The following GLT8D2 variants were observed in gnomAD, a reference collection of about 807,000 sequenced individuals.
The protein encoded by GLT8D2 is glycosyltransferase 8 domain-containing protein 2.
Under a neutral mutation model 44.5 loss-of-function variants are expected in GLT8D2, and 45 were observed. That is an observed-to-expected ratio of 1.01 (90% CI 0.80 to 1.30). The LOEUF (loss-of-function observed/expected upper bound fraction) is 1.30. Ranked by LOEUF, GLT8D2 falls within the 50% of genes most tolerant of loss-of-function variation. GLT8D2 has a pLI of 0.00. For missense variants in GLT8D2, 400 were observed against 430.4 expected (o/e 0.93, Z 0.62); for synonymous variants, 156 against 157.2 (o/e 0.99, Z 0.06).
At position 104,060,363 on chromosome 12, in the gene GLT8D2, G is replaced by A. The variant is rs78721743; in HGVS notation, c.-423+3586C>T. ...ATTCTTGAAGTTTCAGAGATTGAAG[G>A]TACTTTACTGTGAAATGGGGACCTA... On this transcript the variant is annotated intron_variant, in intron 1 of 10. Coordinates refer to the GLT8D2 transcript ENST00000548660. Among the ~76,000 whole-genome samples the A allele has an allele frequency of 1.6e-3, 246 of 152,202 alleles. 4 individuals are homozygous for A. In the East Asian group the frequency reaches 0.044, roughly 27 times the overall value.
intron 4 of GLT8D2, among the ~76,000 whole-genome samples, chr12:104,013,107 G>A (rs58131303): frequency 0.038 from 5,755 of 152,256 alleles, 190 homozygotes; most frequent in South Asian, 0.096. Context: ...CATTGTAAGC[G>A]TACAGTACAA....
chr12:104,015,047 T>C lies in GLT8D2; in HGVS notation c.78A>G (p.Lys26=), dbSNP rs1415867851. ...IVTLCVILYK[K]VHKGTVPKND... is the part of the protein sequence containing the mutation. ...TCTTGGGCACAGTCCCCTTATGAAC[T>C]TTCTTATACAGAATCACACAGAGGG... The change falls in exon 4 of 11, where the codon AAA becomes AAG. Residue 26 remains lysine, a synonymous_variant. Transcript: ENST00000360814. 1.2e-6 allele frequency: 2 copies of C among 1,613,746 alleles called. No individual in the cohort carries two copies. Among genetic ancestry groups the C allele is most frequent in the Admixed American group, 1.7e-5 (1 of 59,984 alleles).
chr12:104,057,787 T>C (rs12424864), intron 1 of GLT8D2, among the ~76,000 whole-genome samples: 1,653 of 152,376 alleles, frequency 0.011, 114 homozygotes, highest in Admixed American at 0.1. Context: ...GCCTGTACTT[T>C]ACATGTATTA....
upstream of GLT8D2, among the ~76,000 whole-genome samples, chr12:104,051,382 A>G (rs1881711562): frequency 6.6e-6 from 1 of 152,136 alleles, no homozygotes; most frequent in African/African-American, 2.4e-5. Context: ...TATATACAAG[A>G]TGTTATCATT....
intron 1 of GLT8D2, among the ~76,000 whole-genome samples, chr12:104,027,366 C>A (rs1264288470): frequency 6.6e-6 from 1 of 152,178 alleles, no homozygotes; most frequent in Non-Finnish European, 1.5e-5. Context: ...TCCTCCCACT[C>A]CATGAAAGAA....
chr12:104,030,462 T>G (rs1459594805), intron 1 of GLT8D2, among the ~76,000 whole-genome samples: 1 of 152,080 alleles, frequency 6.6e-6, no homozygotes, highest in Non-Finnish European at 1.5e-5. Flanking sequence ...GGGAAAGCTC[T>G]GTGGCATTGG....
At chr12:104,011,117 G>A (rs73390446) in intron 4 of GLT8D2, among the ~76,000 whole-genome samples, 14,535 of 152,240 alleles carry the variant, frequency 0.095, 943 homozygotes, top group East Asian at 0.3. Context: ...CTGCCAAAAA[G>A]TTCCCCCTGG....
At chr12:104,013,872 C>A (rs1876183853) in intron 4 of GLT8D2, among the ~76,000 whole-genome samples, 1 of 152,162 alleles carries the variant, frequency 6.6e-6, no homozygotes, top group South Asian at 2.1e-4. Flanking sequence ...TCCCAAGTAG[C>A]TGGGACTATA....
chr12:104,019,072 A>T (rs1217523362), intron 3 of GLT8D2, among the ~76,000 whole-genome samples: 5 of 151,652 alleles, frequency 3.3e-5, no homozygotes, highest in Admixed American at 2.0e-4. Context: ...TGCAAGTTTT[A>T]TAGAAATATA....
rs1477292616 is a variant in GLT8D2 at position 103,998,547 on chromosome 12, C to T, written c.402+850G>A. Among the ~76,000 whole-genome samples, 4 of 152,182 alleles carry T rather than the reference C, an allele frequency of 2.6e-5. No homozygotes were observed. The East Asian group carries it at 7.7e-4, about 29-fold the overall frequency. On this transcript the variant is annotated intron_variant, in intron 6 of 10. Transcript: ENST00000360814. ...GCCTCAGACTCCCGAGTAGCCGGGG[C>T]TACAGGTGCCTGCCACCATGCCCAG...
At chr12:104,048,226 G>T (rs1881373858) in intron 1 of GLT8D2, among the ~76,000 whole-genome samples, 2 of 152,332 alleles carry the variant, frequency 1.3e-5, no homozygotes, top group South Asian at 4.1e-4. Flanking sequence ...AGTGTGTCCA[G>T]AATAGCACAC....
chr12:104,045,897 A>AAGAAAG (rs1881037086), intron 1 of GLT8D2, among the ~76,000 whole-genome samples: 1 of 99,018 alleles, frequency 1.0e-5, no homozygotes, highest in African/African-American at 3.5e-5. Flanking sequence ...AAAGATAAGA[A>AAGAAAG]AGAAAGAAAG....
At chr12:103,994,112 A>G in intron 9 of GLT8D2, 1 of 322,752 alleles carries the variant, frequency 3.1e-6, no homozygotes, top group Non-Finnish European at 5.6e-6. Flanking sequence ...AAAATGTATA[A>G]TCAGGGACTC....
At chr12:104,045,958 T>TAAGAAAGA (rs141480385) in intron 1 of GLT8D2, among the ~76,000 whole-genome samples, 3,225 of 132,698 alleles carry the variant, frequency 0.024, 111 homozygotes, top group African/African-American at 0.082. Context: ...AGAAAGAAAA[T>TAAGAAAGA]AAGAAAGAAA....
intron 4 of GLT8D2, chr12:104,014,176 C>T: frequency 1.6e-6 from 1 of 631,978 alleles, no homozygotes; most frequent in Non-Finnish European, 2.9e-6. Context: ...TGAACCTGAG[C>T]AGCATGGCAA....
chr12:103,989,679 A>G (rs1026587169), intron 10 of GLT8D2, 102 bp from the exon 11 acceptor site: 47 of 1,082,554 alleles, frequency 4.3e-5, no homozygotes, highest in African/African-American at 8.0e-5. Context: ...GTAAACAAAT[A>G]AAAAGGTTAT....
intron 1 of GLT8D2, among the ~76,000 whole-genome samples, chr12:104,043,763 G>A (rs569105221): frequency 1.5e-4 from 23 of 152,278 alleles, no homozygotes; most frequent in African/African-American, 5.5e-4. Context: ...CACTGTGCCC[G>A]GCTGTGACTC....
chr12:103,998,408 A>T (rs989145975), intron 6 of GLT8D2, among the ~76,000 whole-genome samples: 2 of 150,652 alleles, frequency 1.3e-5, no homozygotes, highest in Non-Finnish European at 3.0e-5. Context: ...CTAGCTAATT[A>T]AAAAAAAATT....
chr12:104,017,030 CA>C (rs1195414578), intron 3 of GLT8D2, among the ~76,000 whole-genome samples: 2 of 152,104 alleles, frequency 1.3e-5, no homozygotes, highest in African/African-American at 4.8e-5. Context: ...TGGTGTAAAA[CA>C]GTGTTTTCTT....
Sources: allele counts gnomAD v4.1 joint callset (sites outside exome capture counted in the v4.1 genomes callset), GRCh38; gene constraint gnomAD v4.1.1; transcripts MANE v1.5; gene names NCBI Gene and HGNC (gene_info 2026-07-23, HGNC 2026-07-21).